XKR6: variants seen among roughly 807,000 people sequenced by gnomAD.
The protein encoded by XKR6 is XK-related protein 6.
XKR6 carries 22 observed loss-of-function variants against 56.7 expected under a neutral mutation model. The observed-to-expected ratio is 0.39, with a 90% CI of 0.28 to 0.55. The LOEUF (loss-of-function observed/expected upper bound fraction) is 0.55, where lower values mean the gene tolerates loss of function less well. Among genes scored for constraint, XKR6 ranks in the 20% least tolerant of loss-of-function variants. XKR6 has a pLI of 0.66. For synonymous variants in XKR6, 524 were observed against 387.8 expected (o/e 1.35, Z -4.13); for missense variants, 852 against 889.0 (o/e 0.96, Z 0.53).
chr8:10,903,628 A>G (rs1340830472), intron 2 of XKR6, among the ~76,000 whole-genome samples: 1 of 152,128 alleles, frequency 6.6e-6, no homozygotes, highest in African/African-American at 2.4e-5. Flanking sequence ...GGTGGGCCCT[A>G]ACCCTGTGTG....
At chr8:11,108,122 G>C (rs968213630) in intron 1 of XKR6, 1 of 344,316 alleles carries the variant, frequency 2.9e-6, no homozygotes, top group African/African-American at 2.2e-5. Context: ...ACACGCAAAG[G>C]GACCCGTGTG....
At chr8:11,187,168 G>A (rs1393570155) in intron 1 of XKR6, among the ~76,000 whole-genome samples, 1 of 152,132 alleles carries the variant, frequency 6.6e-6, no homozygotes, top group African/African-American at 2.4e-5. Context: ...CATGTGTGTT[G>A]TTCAAATACC....
intron 1 of XKR6, among the ~76,000 whole-genome samples, chr8:11,001,957 A>T (rs989470228): frequency 1.5e-4 from 23 of 152,134 alleles, no homozygotes; most frequent in African/African-American, 2.9e-4. Flanking sequence ...ACTTCCTTCC[A>T]GCAGACCTCA....
At chr8:11,172,229 G>C (rs775705477) in intron 1 of XKR6, among the ~76,000 whole-genome samples, 2 of 151,932 alleles carry the variant, frequency 1.3e-5, no homozygotes, top group Non-Finnish European at 1.5e-5. Context: ...AATTAGCGTG[G>C]CATTATTGTG....
intron 1 of XKR6, among the ~76,000 whole-genome samples, chr8:11,133,319 T>G (rs1800210476): frequency 6.6e-6 from 1 of 151,980 alleles, no homozygotes; most frequent in Non-Finnish European, 1.5e-5. Context: ...AGAGGCAAGG[T>G]GGAAGTGCAC....
rs139958938 is a variant in XKR6, at chr8:10,919,770, C to T, written c.961+4864G>A. Among the ~76,000 whole-genome samples, 520 of 152,216 alleles carry T rather than the reference C, an allele frequency of 3.4e-3. 6 individuals are homozygous for T. Among genetic ancestry groups the T allele is most frequent in the African/African-American group, 0.012 (478 of 41,514 alleles). ...ACCCTTTCACAACCCAGAACAGGAG[C>T]GGAGCCTTAGCAGACACAAGACTCA... On this transcript the variant is annotated intron_variant, in intron 2 of 2. Transcript: ENST00000416569.
chr8:11,103,108 GTTT>G (rs1233960876), intron 1 of XKR6, among the ~76,000 whole-genome samples: 1 of 152,130 alleles, frequency 6.6e-6, no homozygotes, highest in Non-Finnish European at 1.5e-5. Flanking sequence ...GCTGATGGCA[GTTT>G]TTTTAATTTT....
At chr8:11,005,858 T>G (rs1361426747) in intron 1 of XKR6, among the ~76,000 whole-genome samples, 10 of 149,368 alleles carry the variant, frequency 6.7e-5, no homozygotes, top group African/African-American at 2.5e-4. Flanking sequence ...TTTTTTTTTT[T>G]TTTGAGATGG....
At chr8:11,023,026 A>C (rs1798781262) in intron 1 of XKR6, among the ~76,000 whole-genome samples, 2 of 152,098 alleles carry the variant, frequency 1.3e-5, no homozygotes, top group African/African-American at 2.4e-5. Flanking sequence ...GTATCTGTCG[A>C]GGCAATTTCA....
At chr8:10,991,769 T>C (rs1797998572) in intron 1 of XKR6, among the ~76,000 whole-genome samples, 1 of 152,228 alleles carries the variant, frequency 6.6e-6, no homozygotes, top group Non-Finnish European at 1.5e-5. Flanking sequence ...CCATTGCCTC[T>C]CAATTTTCTT....
At chr8:11,016,762 G>A (rs1798634362) in intron 1 of XKR6, among the ~76,000 whole-genome samples, 1 of 152,174 alleles carries the variant, frequency 6.6e-6, no homozygotes, top group African/African-American at 2.4e-5. Context: ...TCCTTGCCCC[G>A]CTCTGAGCCG....
rs575189487 is a variant in XKR6 at position 10,977,135 on chromosome 8, A to T, written c.765-52305T>A. Reference sequence around the variant, plus strand: ...CCCCAAGAGACCTCGTCTCACAGGCACTCCCTTTACAAGCAGCCTCAAGAC... The same window carrying T: ...CCCCAAGAGACCTCGTCTCACAGGCTCTCCCTTTACAAGCAGCCTCAAGAC... On this transcript the variant is annotated intron_variant, in intron 1 of 2. Transcript: ENST00000416569. 1.1e-4 allele frequency among the ~76,000 whole-genome samples: 16 copies of T among 152,060 alleles called. 1 individual carries two copies. The highest frequency in any genetic ancestry group is 3.9e-4 in the African/African-American group (16 of 41,498).
At chr8:11,062,591 G>A in intron 1 of XKR6, 1 of 369,538 alleles carries the variant, frequency 2.7e-6, no homozygotes, top group Non-Finnish European at 5.3e-6. Context: ...CACTAGCAAG[G>A]GAGAGCTTCT....
At chr8:11,037,901 CCTATACTCCCAG>C (rs944295602) in intron 1 of XKR6, among the ~76,000 whole-genome samples, 2 of 151,514 alleles carry the variant, frequency 1.3e-5, no homozygotes, top group Non-Finnish European at 2.9e-5. Context: ...GTGGCACACA[CCTATACTCCCAG>C]CTACTCGGGA....
At chr8:10,966,391 C>G (rs961293131) in intron 1 of XKR6, among the ~76,000 whole-genome samples, 1 of 152,040 alleles carries the variant, frequency 6.6e-6, no homozygotes. Context: ...CAAGTTAGGC[C>G]GGGCATGGTG....
intron 1 of XKR6, among the ~76,000 whole-genome samples, chr8:11,133,192 G>A (rs941956760): frequency 4.0e-5 from 6 of 150,754 alleles, no homozygotes; most frequent in Admixed American, 3.3e-4. Context: ...ATCGCTTTCA[G>A]TCATCAGAAG....
chr8:11,031,481 T>G (rs1444821740), intron 1 of XKR6, among the ~76,000 whole-genome samples: 2 of 152,062 alleles, frequency 1.3e-5, no homozygotes, highest in Admixed American at 6.5e-5. Flanking sequence ...CTGCAGGAAT[T>G]TGGGGCCCAC....
chr8:11,200,447 C>T lies in XKR6; in HGVS notation c.764+129G>A. 2.5e-6 allele frequency: 3 copies of T among 1,206,950 alleles called. No homozygotes were observed. The highest frequency in any genetic ancestry group is 3.2e-6 in the Non-Finnish European group (3 of 937,488). The allele number at this position is 1,206,950 out of a possible 1,614,324, so 74.8% of individuals were successfully genotyped here. On this transcript the variant is annotated intron_variant, in intron 1 of 2. Transcript: ENST00000416569. This position sits in a 1 kb window ranked among gnomAD's most constrained non-coding sequence, Gnocchi z 6.4. The stretch of plus-strand genomic sequence containing the variant: ...GCCGGTCTTTTGGAGACGCCAGGGG[C>T]GGCGCGCGGCCGGTCCCTCCTTCGA...
intron 1 of XKR6, among the ~76,000 whole-genome samples, chr8:11,060,546 A>G (rs1448131525): frequency 6.6e-6 from 1 of 152,134 alleles, no homozygotes; most frequent in Non-Finnish European, 1.5e-5. Flanking sequence ...CTACATGATT[A>G]TTGGTCTGTT....
Sources: gnomAD v4.1 joint callset for allele counts (sites outside exome capture counted in the v4.1 genomes callset) on GRCh38, gnomAD v4.1.1 for gene constraint, Gnocchi (gnomAD v3.1) non-coding constraint, MANE v1.5 for transcripts, NCBI Gene and HGNC (gene_info 2026-07-23, HGNC 2026-07-21) for gene names.